SPPL2B: variants seen among roughly 807,000 people sequenced by gnomAD.
SPPL2B encodes the protein signal peptide peptidase like 2B.
SPPL2B carries 39 observed loss-of-function variants against 59.7 expected under a neutral mutation model. The ratio of observed to expected loss-of-function variants is 0.65; its 90% CI spans 0.51 to 0.85. The LOEUF (loss-of-function observed/expected upper bound fraction) is 0.85, where lower values mean the gene tolerates loss of function less well. SPPL2B is among the 40% of genes least tolerant of loss of function. The pLI is 0.00. For synonymous variants in SPPL2B, 419 were observed against 370.8 expected, an observed-to-expected ratio of 1.13 and a Z score of -1.49; for missense variants, 865 against 849.0, an observed-to-expected ratio of 1.02 and a Z score of -0.23.
intron 13 of SPPL2B, 103 bp downstream of exon 13, chr19:2,345,433 C>A (rs1252635183): frequency 2.3e-5 from 22 of 949,452 alleles, no homozygotes; most frequent in Non-Finnish European, 3.3e-5. Flanking sequence ...CCAACCCTAA[C>A]CCTAATTCCA....
At chr19:2,352,292 A>C (rs1045165453) in intron 14 of SPPL2B, among the ~76,000 whole-genome samples, 5 of 152,066 alleles carry the variant, frequency 3.3e-5, no homozygotes, top group Non-Finnish European at 7.4e-5. Context: ...CTTGGAGTCC[A>C]TGACCGCCCA....
intron 2 of SPPL2B, among the ~76,000 whole-genome samples, chr19:2,336,122 G>C (rs956251626): frequency 1.3e-5 from 2 of 152,250 alleles, no homozygotes; most frequent in African/African-American, 4.8e-5. Context: ...GTGTGCCTTA[G>C]TGCGTGTTTG....
chr19:2,338,911 G>T (rs1222073067), intron 4 of SPPL2B, 70 bp downstream of exon 4: 2 of 1,540,374 alleles, frequency 1.3e-6, no homozygotes, highest in South Asian at 1.2e-5. Flanking sequence ...TGGCTGCCGG[G>T]GGGGTTTGTG....
At chr19:2,336,623 G>A (rs1361667817) in intron 2 of SPPL2B, among the ~76,000 whole-genome samples, 1 of 151,824 alleles carries the variant, frequency 6.6e-6, no homozygotes, top group Non-Finnish European at 1.5e-5. Context: ...TGTGCTGTGT[G>A]CTCTGGCCTG....
At chr19:2,341,410 C>T (rs1969045421) in intron 8 of SPPL2B, 1 of 465,996 alleles carries the variant, frequency 2.1e-6, no homozygotes, top group Non-Finnish European at 4.3e-6. Flanking sequence ...GCACCCGGTC[C>T]TCTTGGTCAT....
intron 10 of SPPL2B, 29 bp downstream of exon 10, chr19:2,344,068 C>T: frequency 2.0e-6 from 3 of 1,481,680 alleles, no homozygotes; most frequent in East Asian, 2.6e-5. Flanking sequence ...CTGCTCCACC[C>T]CATCACCCCG....
chr19:2,337,170 T>G (rs1389615015), intron 2 of SPPL2B: 2 of 355,524 alleles, frequency 5.6e-6, no homozygotes, highest in African/African-American at 2.1e-5. Context: ...CTGAGTGATC[T>G]GTGACGGCTC....
chr19:2,353,041 C>A lies in SPPL2B; in HGVS notation c.1611C>A (p.Ser537Arg). ...SATPLSPQPPSEEPATSPWPA... is the reference protein window; with the variant it reads ...SATPLSPQPPREEPATSPWPA... ...CGCCACTCTCCCCGCAGCCGCCCAG[C>A]GAAGAACCAGCCACATCCCCCTGGC... is the stretch of plus-strand genomic sequence containing the variant. The change falls in exon 15 of 15, where the codon AGC (serine) becomes AGA (arginine). Residue 537 changes from serine to arginine, a missense_variant. Transcript: ENST00000613503. 1 of 1,611,998 alleles carries A rather than the reference C, an allele frequency of 6.2e-7. No homozygotes were observed. Among genetic ancestry groups the A allele is most frequent in the Non-Finnish European group, 8.5e-7 (1 of 1,179,626 alleles).
intron 13 of SPPL2B, among the ~76,000 whole-genome samples, chr19:2,345,777 C>T (rs1969334472): frequency 6.7e-6 from 1 of 148,462 alleles, no homozygotes; most frequent in Admixed American, 6.7e-5. Flanking sequence ...TTCTCATTCT[C>T]CCTGGGCCCG....
chr19:2,335,892 C>T (rs1194105231), intron 2 of SPPL2B, among the ~76,000 whole-genome samples: 1 of 152,168 alleles, frequency 6.6e-6, no homozygotes, highest in South Asian at 2.1e-4. Flanking sequence ...TCAGTATGTG[C>T]CTGGACATGC....
intron 2 of SPPL2B, 93 bp from the exon 3 acceptor site, chr19:2,337,350 A>C (rs1968709730): frequency 2.4e-6 from 3 of 1,251,032 alleles, no homozygotes; most frequent in African/African-American, 1.5e-5. Context: ...GCTGGGATCT[A>C]ACTCAGCGCA....
rs188756193 is a variant in SPPL2B at position 2,333,449 on chromosome 19, G to A, written c.67-1153G>A. Reference sequence around the variant, plus strand: ...TGGTCCCTGCGGTGGGAGGCGTGGTGAGCAGTGCCAGCTTCCTGCTTGTGG... The same window carrying A: ...TGGTCCCTGCGGTGGGAGGCGTGGTAAGCAGTGCCAGCTTCCTGCTTGTGG... On this transcript the variant is annotated intron_variant, in intron 1 of 14. Transcript: ENST00000613503. 1.2e-3 allele frequency among the ~76,000 whole-genome samples: 182 copies of A among 152,296 alleles called. No homozygotes were observed. The Middle Eastern group carries it at 0.02, about 17-fold the overall frequency.
At chr19:2,349,120 C>CT (rs1969716757) in intron 13 of SPPL2B, among the ~76,000 whole-genome samples, 4 of 44,694 alleles carry the variant, frequency 8.9e-5, no homozygotes, top group African/African-American at 2.0e-4. Flanking sequence ...CCATTCTCTC[C>CT]CTCCACACAC....
At chr19:2,343,768 G>A (rs1032387686) in intron 9 of SPPL2B, among the ~76,000 whole-genome samples, 197 bp from the exon 10 acceptor site, 5 of 152,124 alleles carry the variant, frequency 3.3e-5, no homozygotes, top group African/African-American at 7.2e-5. Context: ...GACTCTAAAA[G>A]CCTGACTTTT....
At chr19:2,329,534 C>A (rs1378796071) in intron 1 of SPPL2B, among the ~76,000 whole-genome samples, 1 of 152,198 alleles carries the variant, frequency 6.6e-6, no homozygotes, top group Non-Finnish European at 1.5e-5. Flanking sequence ...AATTCCAAAT[C>A]TTCCCTCTCT....
chr19:2,334,795 TG>T (rs1288457848), intron 2 of SPPL2B, 74 bp downstream of exon 2: 1 of 1,447,032 alleles, frequency 6.9e-7, no homozygotes, highest in East Asian at 2.7e-5. Flanking sequence ...CACATCCGGC[TG>T]GGGTTGCAGG....
chr19:2,352,805 C>T (rs1263738372), intron 14 of SPPL2B, 141 bp from the exon 15 acceptor site: 3 of 929,338 alleles, frequency 3.2e-6, no homozygotes, highest in Admixed American at 2.8e-5. Context: ...CCGGCCCCCT[C>T]CTTGGGTCCA....
rs752901189 is a variant in SPPL2B at position 2,353,120 on chromosome 19, C to T, written c.1690C>T (p.Pro564Ser). The part of the protein sequence containing the change: ...RTSEEMGAGA[P>S]MREPGSPAES... The stretch of plus-strand genomic sequence containing the variant: ...GTCCGAGGAGATGGGGGCTGGAGCC[C>T]CCATGCGGGAGCCTGGGAGCCCAGC... The change falls in exon 15 of 15, where the codon CCC becomes TCC. Residue 564 changes from proline to serine, a missense_variant. Physicochemically the swap from Pro to Ser is moderately conservative, Grantham distance 74. Transcript: ENST00000613503. 5 of 1,610,826 alleles carry T rather than the reference C, an allele frequency of 3.1e-6. No individual in the cohort carries two copies. Among genetic ancestry groups the T allele is most frequent in the Non-Finnish European group, 4.2e-6 (5 of 1,179,266 alleles).
At chr19:2,341,473 C>T (rs561554444) in intron 8 of SPPL2B, 1 of 445,450 alleles carries the variant, frequency 2.2e-6, no homozygotes, top group Non-Finnish European at 4.6e-6. Context: ...CTGCTCCCCC[C>T]ACGCTCACCT....
Sources: allele counts gnomAD v4.1 joint callset (sites outside exome capture counted in the v4.1 genomes callset), GRCh38; gene constraint gnomAD v4.1.1; transcripts MANE v1.5; gene names NCBI Gene and HGNC (gene_info 2026-07-23, HGNC 2026-07-21).